Variants in DNM3 observed in about 807,000 individuals in gnomAD.
DNM3 encodes the protein dynamin-3.
A neutral mutation model predicts 101.6 loss-of-function variants in DNM3; 47 were observed. The ratio of observed to expected loss-of-function variants is 0.46; its 90% CI spans 0.37 to 0.59. The LOEUF (loss-of-function observed/expected upper bound fraction) is 0.59, where lower values mean the gene tolerates loss of function less well. Ranked by LOEUF, DNM3 falls within the 20% of genes least tolerant of loss-of-function variation. The pLI is 0.00. For missense variants in DNM3, 849 were observed against 1,085.7 expected (o/e 0.78, Z 3.06); for synonymous variants, 385 against 387.9 (o/e 0.99, Z 0.09).
At chr1:171,994,371 T>G (rs993816283) in intron 4 of DNM3, among the ~76,000 whole-genome samples, 6 of 152,162 alleles carry the variant, frequency 3.9e-5, no homozygotes, top group Non-Finnish European at 7.4e-5. Flanking sequence ...TCAGCATTTT[T>G]TTTTAGTGGT....
chr1:172,117,528 G>A (rs775158282), intron 13 of DNM3, among the ~76,000 whole-genome samples: 13 of 151,842 alleles, frequency 8.6e-5, no homozygotes, highest in Non-Finnish European at 1.5e-4. Context: ...TTTTTTTCTC[G>A]CAGCCACCGT....
intron 15 of DNM3, among the ~76,000 whole-genome samples, chr1:172,293,682 C>T (rs2148823981): frequency 6.6e-6 from 1 of 152,284 alleles, no homozygotes; most frequent in Non-Finnish European, 1.5e-5. Flanking sequence ...GATGTCTAGA[C>T]ACAGCCTAAG....
intron 14 of DNM3, among the ~76,000 whole-genome samples, chr1:172,186,663 G>GC (rs1404890799): frequency 6.6e-6 from 1 of 152,022 alleles, no homozygotes. Context: ...TTGATGGTCA[G>GC]CCCCCTCTCA....
intron 17 of DNM3, among the ~76,000 whole-genome samples, chr1:172,357,663 CA>C (rs1479811400): frequency 1.3e-5 from 2 of 152,058 alleles, no homozygotes; most frequent in Non-Finnish European, 2.9e-5. Context: ...ATTACAATGT[CA>C]ATTTCCTTAT....
chr1:171,843,825 T>A (rs943914084), intron 1 of DNM3, among the ~76,000 whole-genome samples: 5 of 152,150 alleles, frequency 3.3e-5, no homozygotes, highest in Admixed American at 1.3e-4. Flanking sequence ...GTTTGAATAT[T>A]TTTCAAGATG....
At chr1:172,218,119 T>G (rs1297123660) in intron 14 of DNM3, among the ~76,000 whole-genome samples, 1 of 152,140 alleles carries the variant, frequency 6.6e-6, no homozygotes, top group Non-Finnish European at 1.5e-5. Flanking sequence ...GGAATTTAAT[T>G]CTATTCTCTA....
intron 20 of DNM3, among the ~76,000 whole-genome samples, chr1:172,392,616 T>C (rs2069619642): frequency 6.6e-6 from 1 of 152,226 alleles, no homozygotes; most frequent in Admixed American, 6.5e-5. Context: ...ACAAATTCAC[T>C]GAATCCGAGT....
At chr1:172,351,984 C>T (rs889235871) in intron 17 of DNM3, among the ~76,000 whole-genome samples, 4 of 152,190 alleles carry the variant, frequency 2.6e-5, no homozygotes, top group Admixed American at 2.6e-4. Context: ...CAATAAACAA[C>T]AGTTTGCCAA....
At chr1:171,905,113 CA>C (rs1381516930) in intron 1 of DNM3, among the ~76,000 whole-genome samples, 1 of 152,188 alleles carries the variant, frequency 6.6e-6, no homozygotes. Context: ...AAAGATGTGA[CA>C]TTTTTTGTTT....
chr1:172,363,361 G>A (rs748776470), intron 17 of DNM3, among the ~76,000 whole-genome samples: 5 of 151,838 alleles, frequency 3.3e-5, no homozygotes, highest in East Asian at 3.9e-4. Context: ...CATAAAAACC[G>A]ATTTCTCTGC....
intron 13 of DNM3, among the ~76,000 whole-genome samples, chr1:172,129,123 G>A (rs2056797099): frequency 6.6e-6 from 1 of 152,102 alleles, no homozygotes; most frequent in Admixed American, 6.6e-5. Flanking sequence ...TTCATTGAGT[G>A]GTATGATTAG....
At chr1:172,041,951 T>A in intron 7 of DNM3, 58 bp from the exon 8 acceptor site, 1 of 1,496,050 alleles carries the variant, frequency 6.7e-7, no homozygotes, top group Non-Finnish European at 8.9e-7. Context: ...GAAAAGAAAA[T>A]GAAGAGTGCA....
At chr1:172,357,455 A>C (rs2067512674) in intron 17 of DNM3, among the ~76,000 whole-genome samples, 1 of 152,098 alleles carries the variant, frequency 6.6e-6, no homozygotes, top group Admixed American at 6.6e-5. Flanking sequence ...TGTTTTTGCT[A>C]AAAATGCACA....
At chr1:172,095,797 T>C (rs2054206484) in intron 13 of DNM3, among the ~76,000 whole-genome samples, 1 of 152,244 alleles carries the variant, frequency 6.6e-6, no homozygotes, top group Admixed American at 6.5e-5. Context: ...CTAAATTTGC[T>C]TTGTTTATGT....
chr1:172,299,093 T>C (rs2064310749), intron 15 of DNM3, among the ~76,000 whole-genome samples: 1 of 152,138 alleles, frequency 6.6e-6, no homozygotes, highest in Non-Finnish European at 1.5e-5. Flanking sequence ...GAGTAGGAAT[T>C]AACTGTGCAA....
chr1:172,223,940 A>G (rs757239499), intron 14 of DNM3, among the ~76,000 whole-genome samples: 2 of 151,702 alleles, frequency 1.3e-5, no homozygotes, highest in Non-Finnish European at 2.9e-5. Context: ...AGTCTCTGCC[A>G]TCTTCTATCT....
At chr1:172,161,433 A>G (rs2148290445) in intron 14 of DNM3, among the ~76,000 whole-genome samples, 1 of 152,172 alleles carries the variant, frequency 6.6e-6, no homozygotes, top group East Asian at 1.9e-4. Flanking sequence ...GTGAAATAAT[A>G]GGGATATGAG....
intron 15 of DNM3, among the ~76,000 whole-genome samples, chr1:172,285,925 A>G (rs1415001394): frequency 1.3e-5 from 2 of 152,098 alleles, no homozygotes; most frequent in African/African-American, 4.8e-5. Context: ...GGATAACATG[A>G]ATCTGCAACT....
chr1:172,412,835 G>T (rs1461444309), downstream of DNM3: 1 of 775,676 alleles, frequency 1.3e-6, no homozygotes, highest in Non-Finnish European at 1.6e-6. Flanking sequence ...CCAAAGTAAA[G>T]AATGATAGCA....
Sources: gnomAD v4.1 joint callset for allele counts (sites outside exome capture counted in the v4.1 genomes callset) on GRCh38, gnomAD v4.1.1 for gene constraint, MANE v1.5 for transcripts, NCBI Gene and HGNC (gene_info 2026-07-23, HGNC 2026-07-21) for gene names.